The following IQCH variants were observed in gnomAD, a reference collection of about 807,000 sequenced individuals.
IQCH encodes the protein IQ domain-containing protein H.
In IQCH, 98 loss-of-function variants were observed where a neutral mutation model predicts 117.0. The ratio of observed to expected loss-of-function variants is 0.84; its 90% CI spans 0.71 to 0.99. IQCH has a LOEUF of 0.99. IQCH is among the 50% of genes least tolerant of loss of function. The probability of loss-of-function intolerance (pLI) is 0.00; values close to 1 mark genes in which losing one functional copy is unlikely to be tolerated. For missense variants in IQCH, 1,102 were observed against 1,243.8 expected, an observed-to-expected ratio of 0.89 and a Z score of 1.72; for synonymous variants, 412 against 448.2, an observed-to-expected ratio of 0.92 and a Z score of 1.02.
intron 14 of IQCH, among the ~76,000 whole-genome samples, chr15:67,402,399 T>C (rs1385187034): frequency 6.6e-6 from 1 of 152,230 alleles, no homozygotes; most frequent in African/African-American, 2.4e-5. Context: ...AGTGAAATCA[T>C]ATTCGGAGTG....
rs1567145258 is a variant in IQCH at position 67,384,951 on chromosome 15, T to C, written c.1388T>C (p.Val463Ala). 3 of 1,611,434 alleles carry C rather than the reference T, an allele frequency of 1.9e-6. No homozygotes were observed. The Admixed American group carries it at 5.0e-5, about 27-fold the overall frequency. Reference protein sequence around the residue: ...HIPSLGYSQPVREHIADFNTQ... With the variant: ...HIPSLGYSQPAREHIADFNTQ... ...TGCCTTTTAGGGTATTCCCAGCCTG[T>C]GAGAGAACATATTGCCGATTTCAAC... The change falls in exon 11 of 21, where the codon GTG (valine) becomes GCG (alanine). Residue 463 changes from valine (V) to alanine (A), a missense_variant. By Grantham distance (64) the Val-to-Ala change is moderately conservative. Around this residue, in one of 2 missense-constraint regions of IQCH, gnomAD observed 650 missense variants for 794.3 expected, o/e 0.82. Coordinates refer to ENST00000335894, the MANE Select transcript of IQCH (RefSeq NM_001031715.3). This position sits in a 1 kb window ranked among gnomAD's most constrained non-coding sequence, Gnocchi z 4.3.
Position 67,318,032 on chromosome 15 carries a change from A to G in IQCH, c.388-18943A>G, listed in dbSNP as rs530915059. Among the ~76,000 whole-genome samples, 14 of 152,270 alleles carry G rather than the reference A, an allele frequency of 9.2e-5. No homozygotes were observed. The South Asian group carries it at 2.1e-3, about 23-fold the overall frequency. On this transcript the variant is annotated intron_variant, in intron 4 of 20. Transcript: ENST00000335894. ...GAAGCTTTGTTCACCCCCATGCCCA[A>G]TTTTCTGATTGTAACACTTTTTTCA... is the stretch of plus-strand genomic sequence containing the variant.
At position 67,391,660 on chromosome 15, in the gene IQCH, A is replaced by G. The variant is rs969830109; in HGVS notation, c.1632+2654A>G. Among the ~76,000 whole-genome samples the G allele has an allele frequency of 6.6e-6, 1 of 152,334 alleles. No homozygotes were observed. Among genetic ancestry groups the G allele is most frequent in the South Asian group, 2.1e-4 (1 of 4,824 alleles). On this transcript the variant is annotated intron_variant, in intron 12 of 20. Transcript: ENST00000335894. This position sits in a 1 kb window ranked among gnomAD's most constrained non-coding sequence, Gnocchi z 4.3. ...AACTAGACACATTTTAGATTTTGTC[A>G]TCTGTGTTAATCCACTGCCTGGATC... is the stretch of plus-strand genomic sequence containing the variant.
At chr15:67,316,178 C>G (rs1210688586) in intron 4 of IQCH, among the ~76,000 whole-genome samples, 2 of 152,090 alleles carry the variant, frequency 1.3e-5, no homozygotes, top group Non-Finnish European at 2.9e-5. Flanking sequence ...CCAAAATGCC[C>G]TTTTCCATTT....
At chr15:67,343,119 A>G (rs988375892) in intron 5 of IQCH, among the ~76,000 whole-genome samples, 1 of 152,210 alleles carries the variant, frequency 6.6e-6, no homozygotes, top group Non-Finnish European at 1.5e-5. Context: ...TATAGAGGTC[A>G]TAAGGTAAAT....
At chr15:67,383,521 A>G (rs752141649) in intron 10 of IQCH, among the ~76,000 whole-genome samples, 2 of 152,360 alleles carry the variant, frequency 1.3e-5, no homozygotes, top group Non-Finnish European at 2.9e-5. Flanking sequence ...GAATGCTCTC[A>G]GGCACTTTTC....
Position 67,395,155 on chromosome 15 carries a change from A to T in IQCH, c.1633-136A>T. 1.0e-6 allele frequency: 1 copy of T among 961,296 alleles called. No individual in the cohort carries two copies. The highest frequency in any genetic ancestry group is 1.5e-6 in the Non-Finnish European group (1 of 647,456). The allele number at this position is 961,296 out of a possible 1,614,324, so 59.5% of individuals were successfully genotyped here. A position where few individuals can be genotyped will look rare whatever the true frequency, so the allele number is the denominator to read the frequency against. On this transcript the variant is annotated intron_variant, in intron 12 of 20. Transcript: ENST00000335894. This position sits in a 1 kb window ranked among gnomAD's most constrained non-coding sequence, Gnocchi z 4.0. ...TCACCCCAACAGCTTTTATCAATTT[A>T]AACTGCTAAACAACAGGATAGGTCA...
intron 19 of IQCH, among the ~76,000 whole-genome samples, chr15:67,492,839 A>G (rs765511667): frequency 6.6e-6 from 1 of 152,204 alleles, no homozygotes; most frequent in Non-Finnish European, 1.5e-5. Context: ...CATCACAGAA[A>G]GTAGGAGATA....
chr15:67,489,945 C>A, intron 18 of IQCH, 58 bp from the exon 19 acceptor site: 2 of 1,184,672 alleles, frequency 1.7e-6, no homozygotes, highest in Non-Finnish European at 2.5e-6. Context: ...GTAACATTTT[C>A]TGTACTTTGT....
intron 18 of IQCH, among the ~76,000 whole-genome samples, chr15:67,480,663 G>A (rs970782200): frequency 2.0e-5 from 3 of 152,294 alleles, no homozygotes; most frequent in African/African-American, 7.2e-5. Context: ...CAGGCAATGA[G>A]TGGCTGGGAA....
intron 4 of IQCH, chr15:67,307,069 C>T (rs1967334204): frequency 8.6e-6 from 11 of 1,280,868 alleles, no homozygotes; most frequent in Non-Finnish European, 1.1e-5. Context: ...CCAAACATTG[C>T]TTTGAATTGC....
chr15:67,325,047 A>G (rs889880475), intron 4 of IQCH, among the ~76,000 whole-genome samples: 1 of 152,048 alleles, frequency 6.6e-6, no homozygotes, highest in Admixed American at 6.6e-5. Flanking sequence ...CTTCAATTAC[A>G]TGCAGATTAT....
rs1011747179 is a variant in IQCH at position 67,254,801 on chromosome 15, G to A, written c.-96G>A. 7.1e-7 allele frequency: 1 copy of A among 1,403,292 alleles called. No homozygotes were observed. Among genetic ancestry groups the A allele is most frequent in the Non-Finnish European group, 9.9e-7 (1 of 1,008,996 alleles). 86.9% of individuals were successfully genotyped at this position (1,403,292 alleles called of 1,614,324 possible). ...CTCCCAGCGTGGAACAGGCCAGGTC[G>A]CGCGCGGTGTTGCCATGGGGACGAG... On this transcript the variant is annotated 5_prime_UTR_variant, in exon 1 of 21. Transcript: ENST00000335894.
rs189970981 is a variant in IQCH at position 67,346,320 on chromosome 15, C to A, written c.637+2129C>A. Among the ~76,000 whole-genome samples the A allele has an allele frequency of 5.8e-3, 884 of 151,766 alleles. 7 individuals carry two copies. Among genetic ancestry groups the A allele is most frequent in the African/African-American group, 0.014 (578 of 41,374 alleles). ...ATCAATAGAACTAGTAACCCCCCCC[C>A]AAAAAAATACTATAGAACAGTGGTC... On this transcript the variant is annotated intron_variant, in intron 6 of 20. Transcript: ENST00000335894.
In IQCH at chr15:67,491,603, C is replaced by T. The variant is rs1030874799; in HGVS notation, c.2861+1539C>T. Among the ~76,000 whole-genome samples the T allele has an allele frequency of 5.3e-5, 8 of 152,122 alleles. No individual in the cohort carries two copies. The highest frequency in any genetic ancestry group is 1.0e-4 in the Non-Finnish European group (7 of 68,020). ...AAGTCACTTCCCTAGGGACTCTTCACCCATTTGTCACACTGCCCTGATAGC... is the reference window on the plus strand; with the variant it reads ...AAGTCACTTCCCTAGGGACTCTTCATCCATTTGTCACACTGCCCTGATAGC... On this transcript the variant is annotated intron_variant, in intron 19 of 20. Coordinates refer to ENST00000335894, the MANE Select transcript of IQCH (RefSeq NM_001031715.3). The surrounding 1 kb of genome is among the most constrained non-coding windows in gnomAD (Gnocchi z 4.9).
rs141363267 is a variant in IQCH, at chr15:67,321,189, A to T, written c.388-15786A>T. Among the ~76,000 whole-genome samples, 1,319 of 152,214 alleles carry T rather than the reference A, an allele frequency of 8.7e-3. 17 individuals are homozygous for T. Among genetic ancestry groups the T allele is most frequent in the African/African-American group, 0.029 (1,194 of 41,518 alleles). ...TGGGACATCATAATAGCTCTACTTT[A>T]TGTGATGCGCTGTATGGGGTCTGTG... On this transcript the variant is annotated intron_variant, in intron 4 of 20. Coordinates refer to ENST00000335894, the MANE Select transcript of IQCH (RefSeq NM_001031715.3).
In IQCH at chr15:67,333,357, C is replaced by T. The variant is rs146863803; in HGVS notation, c.388-3618C>T. Among the ~76,000 whole-genome samples the T allele has an allele frequency of 9.3e-3, 1,410 of 152,294 alleles. 12 individuals carry two copies. Among genetic ancestry groups the T allele is most frequent in the Non-Finnish European group, 0.016 (1,064 of 68,028 alleles). ...CCCTTTAAGGAAAAATTTGCCAGCC[C>T]TTGCAGAGGAATCATTTTTAATTCA... On this transcript the variant is annotated intron_variant, in intron 4 of 20. Coordinates refer to ENST00000335894, the MANE Select transcript of IQCH (RefSeq NM_001031715.3).
At position 67,436,274 on chromosome 15, in the gene IQCH, C is replaced by G. The variant is rs930903253; in HGVS notation, c.2505+14697C>G. On this transcript the variant is annotated intron_variant, in intron 16 of 20. Coordinates refer to ENST00000335894, the MANE Select transcript of IQCH (RefSeq NM_001031715.3). This position sits in a 1 kb window ranked among gnomAD's most constrained non-coding sequence, Gnocchi z 5.1. ...ACTGCGGAAGTAGGAAAGGGAGACC[C>G]TCCTCTCTCAAACACACACCCCCGC... 6.6e-6 allele frequency among the ~76,000 whole-genome samples: 1 copy of G among 152,182 alleles called. No homozygotes were observed.
rs1435381755 is a variant in IQCH at position 67,416,193 on chromosome 15, A to G, written c.2098-738A>G. Among the ~76,000 whole-genome samples the G allele has an allele frequency of 6.6e-6, 1 of 152,128 alleles. No homozygotes were observed. The highest frequency in any genetic ancestry group is 1.5e-5 in the Non-Finnish European group (1 of 68,020). On this transcript the variant is annotated intron_variant, in intron 14 of 20. Coordinates refer to ENST00000335894, the MANE Select transcript of IQCH (RefSeq NM_001031715.3). This position sits in a 1 kb window ranked among gnomAD's most constrained non-coding sequence, Gnocchi z 5.1. The stretch of plus-strand genomic sequence containing the variant: ...AGGTCAGGAGTTCGAGATCAGTATG[A>G]CCAACATGGTGAAACCCTATCTCTA...
Sources: allele counts gnomAD v4.1 joint callset (sites outside exome capture counted in the v4.1 genomes callset), GRCh38; gene constraint gnomAD v4.1.1; regional missense constraint gnomAD v4.1.1; non-coding constraint Gnocchi (gnomAD v3.1); transcripts MANE v1.5; gene names NCBI Gene and HGNC (gene_info 2026-07-23, HGNC 2026-07-21).